The following PLXDC1 variants were observed in gnomAD, a reference collection of about 807,000 sequenced individuals.
The protein encoded by PLXDC1 is plexin domain containing 1.
Under a neutral mutation model 61.3 loss-of-function variants are expected in PLXDC1, and 39 were observed. That is an observed-to-expected ratio of 0.64 (90% confidence interval 0.49 to 0.83). PLXDC1 has a LOEUF of 0.83. Among genes scored for constraint, PLXDC1 ranks in the 40% least tolerant of loss-of-function variants. PLXDC1 has a pLI of 0.00. For missense variants in PLXDC1, 596 were observed against 666.5 expected (o/e 0.89, Z 1.17); for synonymous variants, 212 against 254.5 (o/e 0.83, Z 1.59).
intron 2 of PLXDC1, among the ~76,000 whole-genome samples, chr17:39,115,562 G>A (rs1910940068): frequency 1.3e-5 from 2 of 152,208 alleles, no homozygotes; most frequent in African/African-American, 2.4e-5. Context: ...GGCTGAGGGT[G>A]GCCACACAGT....
intron 2 of PLXDC1, among the ~76,000 whole-genome samples, chr17:39,139,365 C>T (rs1219437947): frequency 3.9e-5 from 6 of 152,176 alleles, no homozygotes; most frequent in Admixed American, 3.9e-4. Context: ...ATGGGAGAGT[C>T]CAGTTTCAGG....
chr17:39,069,164 G>A (rs564379050), intron 13 of PLXDC1, among the ~76,000 whole-genome samples: 3 of 152,086 alleles, frequency 2.0e-5, no homozygotes, highest in Non-Finnish European at 4.4e-5. Context: ...GGAGTGCAGT[G>A]GTATGGTCAG....
At position 39,106,489 on chromosome 17, in the gene PLXDC1, A is replaced by AT. The variant is rs1195111417; in HGVS notation, c.712-537dup. Among the ~76,000 whole-genome samples the AT allele has an allele frequency of 7.6e-4, 109 of 143,392 alleles. 2 individuals carry two copies. Among genetic ancestry groups the AT allele is most frequent in the African/African-American group, 2.3e-3 (88 of 39,028 alleles). 94.1% of individuals were successfully genotyped at this position (143,392 alleles called of 152,430 possible). On this transcript the variant is annotated intron_variant, in intron 6 of 13. Coordinates refer to ENST00000315392, the MANE Select transcript of PLXDC1 (RefSeq NM_020405.5). ...CCTTCCAACCATGCTGCCTTCTTCT[A>AT]TTTTTTTTTTAATAGAGGTGTGTGT... is the stretch of plus-strand genomic sequence containing the variant.
rs113891212 is a variant in PLXDC1, at chr17:39,120,309, G to A, written c.256-10918C>T. Among the ~76,000 whole-genome samples the A allele has an allele frequency of 5.9e-5, 9 of 151,558 alleles. 1 individual carries two copies. The highest frequency in any genetic ancestry group is 2.2e-4 in the African/African-American group (9 of 41,344). On this transcript the variant is annotated intron_variant, in intron 2 of 13. Coordinates refer to ENST00000315392, the MANE Select transcript of PLXDC1 (RefSeq NM_020405.5). Reference sequence around the variant, plus strand: ...TGGGATTACAGGCACCCGCCACCACGCCCGGCTAAATTTTGTATTTTTAGT... The same window carrying A: ...TGGGATTACAGGCACCCGCCACCACACCCGGCTAAATTTTGTATTTTTAGT...
At chr17:39,134,143 A>C (rs905467336) in intron 2 of PLXDC1, among the ~76,000 whole-genome samples, 1 of 151,894 alleles carries the variant, frequency 6.6e-6, no homozygotes, top group African/African-American at 2.4e-5. Context: ...AGTCCCAGCT[A>C]CTTGGGAGGC....
rs147866175 is a variant in PLXDC1, at chr17:39,108,723, T to C, written c.469+181A>G. ...GCAGGCACATGAGCAGGTCAGCTAA[T>C]GCAAGGGAGATGCTCTGACGTCCAC... On this transcript the variant is annotated intron_variant, in intron 4 of 13. Transcript: ENST00000315392. The C allele has an allele frequency of 9.8e-6, 6 of 615,118 alleles. No individual in the cohort carries two copies. In the South Asian group the frequency reaches 1.1e-4, roughly 11 times the overall value. 38.1% of individuals were successfully genotyped at this position (615,118 alleles called of 1,614,324 possible).
intron 2 of PLXDC1, among the ~76,000 whole-genome samples, chr17:39,130,227 A>G (rs1235071948): frequency 1.3e-5 from 2 of 152,156 alleles, no homozygotes; most frequent in Non-Finnish European, 2.9e-5. Context: ...CCAAGGCAGG[A>G]GGATCACTTG....
chr17:39,108,259 G>A lies in PLXDC1; in HGVS notation c.470-14C>T, dbSNP rs765219971. On this transcript the variant is annotated splice_polypyrimidine_tract_variant and intron_variant, in intron 4 of 13. Transcript: ENST00000315392. ...TGAAGATGAAGCCTAGGGTGGGAGA[G>A]GTGCAGAGGAGTCACCAGAAATGGC... is the stretch of plus-strand genomic sequence containing the variant. 2 of 1,613,460 alleles carry A rather than the reference G, an allele frequency of 1.2e-6. No homozygotes were observed. The highest frequency in any genetic ancestry group is 3.3e-5 in the Admixed American group (2 of 60,020).
At position 39,087,671 on chromosome 17, in the gene PLXDC1, G is replaced by A. The variant is rs763251592; in HGVS notation, c.843C>T (p.His281=). The A allele has an allele frequency of 8.1e-6, 13 of 1,613,914 alleles. No individual in the cohort carries two copies. The highest frequency in any genetic ancestry group is 1.3e-5 in the African/African-American group (1 of 74,930). ...CCTTGCTGGGGTCCAGCTCTATGCG[G>A]TGATATTCAAAGATGCTCCTTCGCC... ...ESRRRSIFEY[H]RIELDPSKVT... Residue 281 remains histidine, a synonymous_variant, in exon 8 of 14, where the codon CAC becomes CAT. Transcript: ENST00000315392.
Position 39,069,982 on chromosome 17 carries a change from G to A in PLXDC1, c.1257C>T (p.Gly419=), listed in dbSNP as rs768876315. ...LQNNLSPKTK[G]TPVHLGTIVG... ...CGATGGTGCCCAGGTGCACAGGAGT[G>A]CCCTTTGTCTTGGGGGACAGGTTGT... Residue 419 remains glycine (G), a synonymous_variant, in exon 13 of 14, where the codon GGC becomes GGT. Coordinates refer to ENST00000315392, the MANE Select transcript of PLXDC1 (RefSeq NM_020405.5). 1.9e-6 allele frequency: 3 copies of A among 1,613,880 alleles called. No homozygotes were observed. Among genetic ancestry groups the A allele is most frequent in the East Asian group, 2.2e-5 (1 of 44,888 alleles).
At chr17:39,105,308 G>A (rs1033195111) in intron 7 of PLXDC1, among the ~76,000 whole-genome samples, 4 of 152,188 alleles carry the variant, frequency 2.6e-5, no homozygotes, top group Admixed American at 1.3e-4. Context: ...AGGGGAGAAA[G>A]AGCTATGACC....
chr17:39,063,463 C>T lies in PLXDC1; in HGVS notation c.*4377G>A, dbSNP rs1908783222. 1 of 702,846 alleles carries T rather than the reference C, an allele frequency of 1.4e-6. No individual in the cohort carries two copies. Among genetic ancestry groups the T allele is most frequent in the Non-Finnish European group, 2.6e-6 (1 of 385,014 alleles). The allele number at this position is 702,846 out of a possible 1,614,324, so 43.5% of individuals were successfully genotyped here. ...GTGGTGCAGGAGGTTGAGGAAAGCA[C>T]CTCTGATGAGCAGATAGCTGGAGGC... On this transcript the variant is annotated 3_prime_UTR_variant, in exon 14 of 14. Coordinates refer to ENST00000315392, the MANE Select transcript of PLXDC1 (RefSeq NM_020405.5).
chr17:39,072,217 A>C (rs924279737), intron 12 of PLXDC1: 4 of 563,958 alleles, frequency 7.1e-6, no homozygotes, highest in East Asian at 2.9e-5. Context: ...GAACCACAGG[A>C]GGTTCAGGGC....
chr17:39,098,205 CAAAA>C (rs56027303), intron 7 of PLXDC1, among the ~76,000 whole-genome samples: 27 of 101,474 alleles, frequency 2.7e-4, no homozygotes, highest in South Asian at 1.3e-3. Context: ...AACTCCATCT[CAAAA>C]AAAAAAAAAA....
intron 1 of PLXDC1, among the ~76,000 whole-genome samples, chr17:39,148,585 A>T (rs939175081): frequency 1.3e-5 from 2 of 151,762 alleles, no homozygotes; most frequent in Non-Finnish European, 2.9e-5. Flanking sequence ...TATTAATAAC[A>T]ATACTAAATA....
intron 2 of PLXDC1, among the ~76,000 whole-genome samples, chr17:39,127,673 A>C (rs1202137727): frequency 1.3e-5 from 2 of 151,972 alleles, no homozygotes; most frequent in Admixed American, 1.3e-4. Flanking sequence ...ATGCTCAATA[A>C]GGCCGGGTGC....
At chr17:39,113,945 C>G (rs183074744) in intron 2 of PLXDC1, among the ~76,000 whole-genome samples, 139 of 152,280 alleles carry the variant, frequency 9.1e-4, no homozygotes, top group African/African-American at 2.8e-3. Context: ...CCATGTGACA[C>G]AGGCTGGCTC....
chr17:39,141,959 T>C (rs893538483), intron 1 of PLXDC1, among the ~76,000 whole-genome samples: 3 of 152,226 alleles, frequency 2.0e-5, no homozygotes, highest in Non-Finnish European at 4.4e-5. Flanking sequence ...TATATCTTCT[T>C]TGGAGAAATG....
intron 7 of PLXDC1, among the ~76,000 whole-genome samples, chr17:39,094,592 C>T (rs1910075134): frequency 6.6e-6 from 1 of 152,160 alleles, no homozygotes; most frequent in South Asian, 2.1e-4. Flanking sequence ...GCCACTCCCG[C>T]AGCCAGACCA....
Sources: gnomAD v4.1 joint callset for allele counts (sites outside exome capture counted in the v4.1 genomes callset) on GRCh38, gnomAD v4.1.1 for gene constraint, MANE v1.5 for transcripts, NCBI Gene and HGNC (gene_info 2026-07-23, HGNC 2026-07-21) for gene names.